The following NRXN1 variants were observed in gnomAD, a reference collection of about 807,000 sequenced individuals.
The protein encoded by NRXN1 is neurexin 1, also known as neurexin-1.
A neutral mutation model predicts 150.9 loss-of-function variants in NRXN1; 39 were observed. That is an observed-to-expected ratio of 0.26 (90% CI 0.20 to 0.34). NRXN1 has a LOEUF of 0.34. Ranked by LOEUF, NRXN1 falls within the 10% of genes least tolerant of loss-of-function variation. The probability of loss-of-function intolerance (pLI) is 1.00; values close to 1 mark genes in which losing one functional copy is unlikely to be tolerated. For synonymous variants in NRXN1, 924 were observed against 757.0 expected, an observed-to-expected ratio of 1.22 and a Z score of -3.62; for missense variants, 1,815 against 1,949.9, an observed-to-expected ratio of 0.93 and a Z score of 1.30.
chr2:50,741,923 C>T (rs1699474470), intron 5 of NRXN1, among the ~76,000 whole-genome samples: 1 of 152,144 alleles, frequency 6.6e-6, no homozygotes, highest in African/African-American at 2.4e-5. Flanking sequence ...TGGGAGTCTA[C>T]ATGATGTGAG....
intron 21 of NRXN1, among the ~76,000 whole-genome samples, chr2:50,026,859 C>CCTTTTTTT (rs1688379945): frequency 3.1e-5 from 2 of 65,234 alleles, no homozygotes; most frequent in African/African-American, 1.3e-4. Flanking sequence ...CTTTTCTTTT[C>CCTTTTTTT]TTTTTTTTTT....
Position 50,472,825 on chromosome 2 carries a change from GTGTGTATA to G in NRXN1, c.3071-362_3071-355del, listed in dbSNP as rs1374981986. On this transcript the variant is annotated intron_variant, in intron 15 of 22. Coordinates refer to ENST00000401669, the MANE Select transcript of NRXN1 (RefSeq NM_001330078.2). ...TGTGTGTGTGTGTGTGTGTGTGTGTGTGTGTATATATATATATAAGTTTCTCTGATTAT... is the reference window on the plus strand; with the variant it reads ...TGTGTGTGTGTGTGTGTGTGTGTGTGTATATATATAAGTTTCTCTGATTAT... Among the ~76,000 whole-genome samples, 270 of 78,556 alleles carry G rather than the reference GTGTGTATA, an allele frequency of 3.4e-3. 1 individual carries two copies. The highest frequency in any genetic ancestry group is 0.016 in the South Asian group (28 of 1,780). The allele number at this position is 78,556 out of a possible 152,430, so 51.5% of individuals were successfully genotyped here. A position where few individuals can be genotyped will look rare whatever the true frequency, so the allele number is the denominator to read the frequency against.
chr2:50,079,664 T>C (rs1040310955), intron 19 of NRXN1, among the ~76,000 whole-genome samples: 1 of 152,140 alleles, frequency 6.6e-6, no homozygotes, highest in African/African-American at 2.4e-5. Context: ...TATTATTTTG[T>C]TTGAAGAAAA....
intron 17 of NRXN1, among the ~76,000 whole-genome samples, chr2:50,429,443 G>A (rs920147852): frequency 1.3e-5 from 2 of 151,986 alleles, no homozygotes; most frequent in Non-Finnish European, 2.9e-5. Flanking sequence ...TTTTAGTAGG[G>A]AGGGGGTTTC....
chr2:50,307,704 G>A (rs1259482878), intron 17 of NRXN1, among the ~76,000 whole-genome samples: 1 of 152,024 alleles, frequency 6.6e-6, no homozygotes, highest in Non-Finnish European at 1.5e-5. Flanking sequence ...CATGACTCCT[G>A]ACTTACTCTC....
intron 8 of NRXN1, among the ~76,000 whole-genome samples, chr2:50,611,533 T>A (rs988568524): frequency 4.0e-5 from 6 of 151,868 alleles, no homozygotes; most frequent in Non-Finnish European, 7.4e-5. Context: ...CAAAGAGGAG[T>A]GTCTATGGCA....
intron 12 of NRXN1, among the ~76,000 whole-genome samples, chr2:50,524,031 G>A (rs1430472534): frequency 6.6e-6 from 1 of 152,170 alleles, no homozygotes; most frequent in Non-Finnish European, 1.5e-5. Context: ...TGGAAATGAA[G>A]AAGTAAGAAG....
chr2:51,003,936 T>A (rs1403906749), intron 2 of NRXN1, among the ~76,000 whole-genome samples: 2 of 151,932 alleles, frequency 1.3e-5, no homozygotes, highest in African/African-American at 4.8e-5. Context: ...TAAGGCTCTC[T>A]TTTCATAGAC....
chr2:50,552,790 A>G lies in NRXN1; in HGVS notation c.1556T>C (p.Phe519Ser), dbSNP rs1290646336. The G allele has an allele frequency of 6.2e-7, 1 of 1,613,966 alleles. No homozygotes were observed. The highest frequency in any genetic ancestry group is 1.1e-5 in the South Asian group (1 of 91,078). ...CTGATGTCTTGGCTTGCCATGGCTA[A>G]ATAAGATGAGGCCATTTGGCTCTGT... ...RTTEPNGLIL[F>S]SHGKPRHQKD... Residue 519 changes from phenylalanine (F) to serine (S), a missense_variant, in exon 9 of 23, where the codon TTT becomes TCT. Phe to Ser is a radical substitution (Grantham distance 155). Transcript: ENST00000401669.
intron 17 of NRXN1, among the ~76,000 whole-genome samples, chr2:50,442,304 A>C (rs1213293677): frequency 6.6e-6 from 1 of 152,162 alleles, no homozygotes; most frequent in Non-Finnish European, 1.5e-5. Flanking sequence ...TCTAAGGTCT[A>C]TATATATGAA....
At chr2:50,577,061 T>G (rs1009500590) in intron 8 of NRXN1, among the ~76,000 whole-genome samples, 1 of 152,162 alleles carries the variant, frequency 6.6e-6, no homozygotes. Flanking sequence ...AGACTGCTAC[T>G]ATTTGGTTGT....
intron 18 of NRXN1, chr2:50,174,573 C>T (rs189574236): frequency 5.3e-5 from 8 of 152,160 alleles, no homozygotes; most frequent in Non-Finnish European, 1.0e-4. Context: ...ACATTAACGT[C>T]ATAGCACAGC....
chr2:50,256,803 A>G (rs1301063156), intron 17 of NRXN1, among the ~76,000 whole-genome samples: 18 of 152,076 alleles, frequency 1.2e-4, no homozygotes, highest in Admixed American at 1.2e-3. Flanking sequence ...TCAGATCCTG[A>G]AATGTGTCTG....
rs116191561 is a variant in NRXN1 at position 50,094,390 on chromosome 2, G to T, written c.3547-2896C>A. On this transcript the variant is annotated intron_variant, in intron 18 of 22. Transcript: ENST00000401669. ...TTTGGAGACAGTTGAGATGTGATGT[G>T]ATTTCCACATACTGCAGGGTGGAAG... 4.3e-3 allele frequency among the ~76,000 whole-genome samples: 660 copies of T among 152,298 alleles called. 9 individuals are homozygous for T. The highest frequency in any genetic ancestry group is 0.015 in the African/African-American group (629 of 41,568).
intron 5 of NRXN1, among the ~76,000 whole-genome samples, chr2:50,655,321 T>C (rs1686266496): frequency 6.6e-6 from 1 of 152,012 alleles, no homozygotes; most frequent in South Asian, 2.1e-4. Context: ...ATTTAAAACA[T>C]TTTTGCCTGC....
At chr2:50,999,604 C>G (rs960708358) in intron 2 of NRXN1, among the ~76,000 whole-genome samples, 1 of 151,884 alleles carries the variant, frequency 6.6e-6, no homozygotes, top group African/African-American at 2.4e-5. Context: ...TTTCTCAGAC[C>G]AGCTGACACT....
At chr2:50,332,926 A>T (rs1003668289) in intron 17 of NRXN1, among the ~76,000 whole-genome samples, 3 of 152,242 alleles carry the variant, frequency 2.0e-5, no homozygotes, top group Non-Finnish European at 4.4e-5. Context: ...AGCAACAAAA[A>T]AATTAAACCA....
chr2:50,184,460 T>C (rs2060936886), intron 18 of NRXN1, among the ~76,000 whole-genome samples: 2 of 151,898 alleles, frequency 1.3e-5, no homozygotes, highest in Admixed American at 1.3e-4. Context: ...ATTTAACCCA[T>C]GAAAAATAAA....
intron 18 of NRXN1, among the ~76,000 whole-genome samples, chr2:50,130,928 T>A (rs771656429): frequency 1.3e-5 from 2 of 152,176 alleles, no homozygotes; most frequent in African/African-American, 2.4e-5. Flanking sequence ...ACTAATAATA[T>A]TTAATATACA....
Sources: gnomAD v4.1 joint callset for allele counts (sites outside exome capture counted in the v4.1 genomes callset) on GRCh38, gnomAD v4.1.1 for gene constraint, MANE v1.5 for transcripts, NCBI Gene and HGNC (gene_info 2026-07-23, HGNC 2026-07-21) for gene names.